The following ADAMTSL3 variants were observed in gnomAD, a reference collection of about 807,000 sequenced individuals.
ADAMTSL3 encodes ADAMTS like 3.
In ADAMTSL3, 128 loss-of-function variants were observed where a neutral mutation model predicts 201.7. The ratio of observed to expected loss-of-function variants is 0.63; its 90% confidence interval spans 0.55 to 0.73. The LOEUF (loss-of-function observed/expected upper bound fraction) is 0.73, where lower values mean the gene tolerates loss of function less well. ADAMTSL3 is among the 30% of genes least tolerant of loss of function. The pLI is 0.00. For missense variants in ADAMTSL3, 1,990 were observed against 2,119.6 expected (o/e 0.94, Z 1.20); for synonymous variants, 738 against 748.4 (o/e 0.99, Z 0.23).
rs534072107 is a variant in ADAMTSL3 at position 83,887,796 on chromosome 15, G to T, written c.1073-2313G>T. The stretch of plus-strand genomic sequence containing the variant: ...TGTAGAGATGGCATCTCACTATGTT[G>T]CCCAGGCTGGTCTCCAACTGGTGGG... On this transcript the variant is annotated intron_variant, in intron 10 of 29. Coordinates refer to ENST00000286744, the MANE Select transcript of ADAMTSL3 (RefSeq NM_207517.3). Among the ~76,000 whole-genome samples, 3 of 152,192 alleles carry T rather than the reference G, an allele frequency of 2.0e-5. No individual in the cohort carries two copies. In the South Asian group the frequency reaches 6.2e-4, roughly 32 times the overall value.
intron 17 of ADAMTSL3, among the ~76,000 whole-genome samples, chr15:83,938,674 T>C (rs1266380513): frequency 6.6e-6 from 1 of 152,240 alleles, no homozygotes; most frequent in Non-Finnish European, 1.5e-5. Context: ...ATCATTAACT[T>C]ATTCTCAAAA....
At chr15:83,866,486 A>T (rs2064980421) in intron 8 of ADAMTSL3, among the ~76,000 whole-genome samples, 1 of 152,190 alleles carries the variant, frequency 6.6e-6, no homozygotes, top group Admixed American at 6.5e-5. Context: ...GGCAACCATC[A>T]TTCTCAGCAA....
chr15:83,902,252 C>A (rs1228908590), intron 15 of ADAMTSL3, among the ~76,000 whole-genome samples: 1 of 152,148 alleles, frequency 6.6e-6, no homozygotes, highest in African/African-American at 2.4e-5. Context: ...AGTAGTCTAT[C>A]TAGGTAGGGC....
chr15:83,671,616 A>C (rs1203332809), intron 2 of ADAMTSL3, among the ~76,000 whole-genome samples: 8 of 152,128 alleles, frequency 5.3e-5, no homozygotes, highest in African/African-American at 1.9e-4. Context: ...ACATTTTGTA[A>C]ATTTTCACAG....
intron 7 of ADAMTSL3, among the ~76,000 whole-genome samples, chr15:83,841,892 C>T (rs2064384229): frequency 6.6e-6 from 1 of 151,920 alleles, no homozygotes; most frequent in Non-Finnish European, 1.5e-5. Flanking sequence ...GAGGAACACA[C>T]TGGCAGAAGA....
chr15:83,731,080 C>T (rs1468810990), intron 3 of ADAMTSL3, among the ~76,000 whole-genome samples: 1 of 151,846 alleles, frequency 6.6e-6, no homozygotes, highest in Non-Finnish European at 1.5e-5. Flanking sequence ...ATTAGTTGAC[C>T]ATATATGTGT....
At chr15:83,674,959 T>C (rs914212587) in intron 2 of ADAMTSL3, among the ~76,000 whole-genome samples, 1 of 151,732 alleles carries the variant, frequency 6.6e-6, no homozygotes, top group African/African-American at 2.4e-5. Flanking sequence ...TTCTGAACAA[T>C]CCTTGTTGGA....
chr15:84,022,104 T>C (rs1385803668), intron 26 of ADAMTSL3, among the ~76,000 whole-genome samples: 1 of 152,114 alleles, frequency 6.6e-6, no homozygotes, highest in African/African-American at 2.4e-5. Flanking sequence ...AAATTCATGG[T>C]CTCCAGCAAA....
chr15:83,903,971 A>G lies in ADAMTSL3; in HGVS notation c.1700+4240A>G, dbSNP rs368617374. 7.5e-4 allele frequency among the ~76,000 whole-genome samples: 94 copies of G among 125,778 alleles called. 1 individual carries two copies. The highest frequency in any genetic ancestry group is 2.9e-3 in the African/African-American group (89 of 31,156). 82.5% of individuals were successfully genotyped at this position (125,778 alleles called of 152,430 possible). ...AAAAAAGAAAGAAAGAAAGAAAGAA[A>G]AGGAGCTACAGTGAGGTTCAGGCCC... On this transcript the variant is annotated intron_variant, in intron 15 of 29. Transcript: ENST00000286744.
At chr15:83,791,951 CTA>C (rs1376540877) in intron 4 of ADAMTSL3, among the ~76,000 whole-genome samples, 1 of 151,962 alleles carries the variant, frequency 6.6e-6, no homozygotes, top group Non-Finnish European at 1.5e-5. Flanking sequence ...AAGAAAAGCT[CTA>C]TGACATTTGT....
At chr15:83,871,074 T>C in intron 9 of ADAMTSL3, 115 bp downstream of exon 9, 1 of 1,181,410 alleles carries the variant, frequency 8.5e-7, no homozygotes, top group Non-Finnish European at 1.2e-6. Flanking sequence ...ATACAGAGCA[T>C]GTGTCATCAA....
intron 3 of ADAMTSL3, among the ~76,000 whole-genome samples, chr15:83,739,194 A>G (rs1259474734): frequency 6.6e-6 from 1 of 152,010 alleles, no homozygotes; most frequent in East Asian, 1.9e-4. Flanking sequence ...AAAATCATGC[A>G]GAAGGATGGA....
chr15:84,015,526 A>AT (rs1416004306), intron 24 of ADAMTSL3, among the ~76,000 whole-genome samples: 1 of 152,090 alleles, frequency 6.6e-6, no homozygotes, highest in Non-Finnish European at 1.5e-5. Flanking sequence ...TTTTAATCTC[A>AT]TTGTATTTAT....
At chr15:83,835,333 C>T (rs1219179713) in intron 6 of ADAMTSL3, among the ~76,000 whole-genome samples, 1 of 151,486 alleles carries the variant, frequency 6.6e-6, no homozygotes, top group African/African-American at 2.4e-5. Flanking sequence ...CTGGCTTATT[C>T]GTTATGAATC....
intron 14 of ADAMTSL3, among the ~76,000 whole-genome samples, chr15:83,898,316 C>T (rs1001558803): frequency 7.4e-5 from 11 of 148,834 alleles, no homozygotes; most frequent in African/African-American, 9.9e-5. Context: ...AGAAGAATGG[C>T]GGGGGAGAGA....
intron 11 of ADAMTSL3, 42 bp from the exon 12 acceptor site, chr15:83,891,287 T>C (rs1003421784): frequency 6.8e-7 from 1 of 1,468,078 alleles, no homozygotes; most frequent in Admixed American, 1.7e-5. Context: ...AATGTGTTAA[T>C]TTATTATAGA....
chr15:83,729,832 TG>T (rs2062236924), intron 3 of ADAMTSL3, among the ~76,000 whole-genome samples: 1 of 152,084 alleles, frequency 6.6e-6, no homozygotes, highest in Admixed American at 6.6e-5. Flanking sequence ...TGTCAGTATC[TG>T]GGCATTGAAG....
chr15:83,849,078 G>T (rs556817679), intron 7 of ADAMTSL3, among the ~76,000 whole-genome samples: 1 of 152,142 alleles, frequency 6.6e-6, no homozygotes, highest in Non-Finnish European at 1.5e-5. Context: ...CCAGACATGA[G>T]CCTACTGTTA....
chr15:83,827,441 T>G (rs1297577100), intron 6 of ADAMTSL3, among the ~76,000 whole-genome samples: 1 of 152,144 alleles, frequency 6.6e-6, no homozygotes, highest in African/African-American at 2.4e-5. Context: ...ATTGCGAAAA[T>G]TTTCTCCCAT....
Sources: allele counts gnomAD v4.1 joint callset (sites outside exome capture counted in the v4.1 genomes callset), GRCh38; gene constraint gnomAD v4.1.1; transcripts MANE v1.5; gene names NCBI Gene and HGNC (gene_info 2026-07-23, HGNC 2026-07-21).